Variants in SCAPER observed in about 807,000 individuals in gnomAD.
The protein encoded by SCAPER is S-phase cyclin A associated protein in the ER.
SCAPER carries 98 observed loss-of-function variants against 182.2 expected under a neutral mutation model. That is an observed-to-expected ratio of 0.54 (90% CI 0.46 to 0.64). The LOEUF is 0.64. SCAPER is among the 30% of genes least tolerant of loss of function. SCAPER has a pLI of 0.00. For missense variants in SCAPER, 1,432 were observed against 1,690.0 expected (o/e 0.85, Z 2.68); for synonymous variants, 605 against 564.6 (o/e 1.07, Z -1.01).
At chr15:76,537,111 A>G (rs1305139725) in intron 23 of SCAPER, among the ~76,000 whole-genome samples, 1 of 152,052 alleles carries the variant, frequency 6.6e-6, no homozygotes, top group Non-Finnish European at 1.5e-5. Flanking sequence ...ATGGGTAGGA[A>G]GAATCAATAT....
intron 23 of SCAPER, among the ~76,000 whole-genome samples, chr15:76,537,011 G>A (rs1190977578): frequency 6.6e-6 from 1 of 152,088 alleles, no homozygotes; most frequent in Non-Finnish European, 1.5e-5. Flanking sequence ...AACTTACAAG[G>A]GACGTGAAGG....
At chr15:76,801,737 T>A (rs2065807976) in intron 6 of SCAPER, among the ~76,000 whole-genome samples, 1 of 151,862 alleles carries the variant, frequency 6.6e-6, no homozygotes, top group East Asian at 1.9e-4. Context: ...CTAGCCAACA[T>A]GGTGAAGCCC....
At chr15:76,426,298 C>T (rs1315381088) in intron 26 of SCAPER, among the ~76,000 whole-genome samples, 2 of 152,206 alleles carry the variant, frequency 1.3e-5, no homozygotes, top group East Asian at 1.9e-4. Context: ...CTACTCAAGC[C>T]TCAGCAATGG....
At chr15:76,627,345 C>T (rs540144499) in intron 21 of SCAPER, among the ~76,000 whole-genome samples, 1 of 152,054 alleles carries the variant, frequency 6.6e-6, no homozygotes, top group Admixed American at 6.6e-5. Flanking sequence ...CTAAGTAAAT[C>T]CATGAATCTT....
At chr15:76,381,332 A>G (rs546353366) in intron 28 of SCAPER, 46 bp downstream of exon 28, 3 of 1,510,498 alleles carry the variant, frequency 2.0e-6, no homozygotes, top group South Asian at 2.4e-5. Flanking sequence ...ACACTAAAAT[A>G]CTAACTCTTG....
intron 21 of SCAPER, among the ~76,000 whole-genome samples, chr15:76,648,283 C>T (rs1023536444): frequency 2.7e-5 from 4 of 150,210 alleles, no homozygotes; most frequent in Admixed American, 6.6e-5. Context: ...GAAATAAAAA[C>T]GTCACTGGAT....
chr15:76,488,549 C>G (rs1228620010), intron 24 of SCAPER, among the ~76,000 whole-genome samples: 2 of 151,846 alleles, frequency 1.3e-5, no homozygotes, highest in Non-Finnish European at 2.9e-5. Context: ...AGTTTTAGAA[C>G]TATAAATAAC....
chr15:76,365,330 T>C (rs1258526980), intron 29 of SCAPER, among the ~76,000 whole-genome samples: 2 of 152,254 alleles, frequency 1.3e-5, no homozygotes, highest in African/African-American at 2.4e-5. Flanking sequence ...ATACTGGCAT[T>C]TCTCCAAGAA....
intron 22 of SCAPER, among the ~76,000 whole-genome samples, chr15:76,602,543 G>C (rs555837808): frequency 8.3e-6 from 1 of 119,816 alleles, no homozygotes; most frequent in East Asian, 2.2e-4. Flanking sequence ...TTTGTTTTTT[G>C]GGGGAAGCAT....
chr15:76,563,292 A>G (rs983755174), intron 23 of SCAPER, among the ~76,000 whole-genome samples: 3 of 152,162 alleles, frequency 2.0e-5, no homozygotes, highest in African/African-American at 7.2e-5. Context: ...GGTTTCAAAG[A>G]TACATTTTTA....
intron 15 of SCAPER, among the ~76,000 whole-genome samples, chr15:76,740,625 T>C (rs927945814): frequency 2.0e-5 from 3 of 152,044 alleles, no homozygotes; most frequent in Non-Finnish European, 4.4e-5. Context: ...AACCAACATA[T>C]AATTCAGGTA....
chr15:76,477,855 T>A (rs2050780732), intron 24 of SCAPER, among the ~76,000 whole-genome samples: 1 of 152,134 alleles, frequency 6.6e-6, no homozygotes, highest in South Asian at 2.1e-4. Context: ...TATTTATTTA[T>A]AAGGCTCTTT....
At chr15:76,891,438 A>G (rs978519639) in intron 1 of SCAPER, among the ~76,000 whole-genome samples, 1 of 152,196 alleles carries the variant, frequency 6.6e-6, no homozygotes, top group African/African-American at 2.4e-5. Context: ...CCAAGCCCAA[A>G]ATCTCCTCAA....
At chr15:76,819,911 A>G (rs2067388123) in intron 5 of SCAPER, among the ~76,000 whole-genome samples, 1 of 152,232 alleles carries the variant, frequency 6.6e-6, no homozygotes. Flanking sequence ...AAACAACCCC[A>G]TCAAAAAGTG....
At chr15:76,514,139 C>T (rs899597228) in intron 23 of SCAPER, among the ~76,000 whole-genome samples, 1 of 152,152 alleles carries the variant, frequency 6.6e-6, no homozygotes, top group African/African-American at 2.4e-5. Flanking sequence ...TCCCGTTTAC[C>T]CCTTTTCTAA....
At chr15:76,849,330 G>C (rs1022714866) in intron 4 of SCAPER, among the ~76,000 whole-genome samples, 37 of 152,148 alleles carry the variant, frequency 2.4e-4, no homozygotes, top group African/African-American at 8.7e-4. Flanking sequence ...AAGAAACGAA[G>C]ACCCAAAGTG....
chr15:76,887,737 C>G (rs546268106), intron 1 of SCAPER, among the ~76,000 whole-genome samples: 1 of 152,212 alleles, frequency 6.6e-6, no homozygotes, highest in Admixed American at 6.5e-5. Flanking sequence ...CATAGCTGAA[C>G]AAAAAGCAGC....
At chr15:76,648,696 A>C (rs2054760415) in intron 21 of SCAPER, among the ~76,000 whole-genome samples, 1 of 152,252 alleles carries the variant, frequency 6.6e-6, no homozygotes, top group African/African-American at 2.4e-5. Context: ...AAGCAGCCCC[A>C]AAATCATTTA....
chr15:76,554,955 AT>A (rs1437418173), intron 23 of SCAPER, among the ~76,000 whole-genome samples: 1 of 151,912 alleles, frequency 6.6e-6, no homozygotes, highest in Non-Finnish European at 1.5e-5. Context: ...TAATTTTTGT[AT>A]TTTTAGTAGA....
Sources: gnomAD v4.1 joint callset for allele counts (sites outside exome capture counted in the v4.1 genomes callset) on GRCh38, gnomAD v4.1.1 for gene constraint, MANE v1.5 for transcripts, NCBI Gene and HGNC (gene_info 2026-07-23, HGNC 2026-07-21) for gene names.